Variants in LACTB observed in about 807,000 individuals in gnomAD.
LACTB encodes serine beta-lactamase-like protein LACTB, mitochondrial.
In LACTB, 35 loss-of-function variants were observed where a neutral mutation model predicts 50.2. That is an observed-to-expected ratio of 0.70 (90% CI 0.53 to 0.92). The LOEUF is 0.92. Among genes scored for constraint, LACTB ranks in the 40% least tolerant of loss-of-function variants. The probability of loss-of-function intolerance (pLI) is 0.00; values close to 1 mark genes in which losing one functional copy is unlikely to be tolerated. For missense variants in LACTB, 664 were observed against 691.8 expected, an observed-to-expected ratio of 0.96 and a Z score of 0.45; for synonymous variants, 252 against 268.2, an observed-to-expected ratio of 0.94 and a Z score of 0.59.
chr15:63,141,201 CAT>C (rs2037224981), intron 5 of LACTB, 77 bp from the exon 6 acceptor site: 2 of 1,484,356 alleles, frequency 1.3e-6, no homozygotes, highest in South Asian at 1.4e-5. Flanking sequence ...CAATCTCTCT[CAT>C]GTATACATTT....
At chr15:63,129,860 T>G (rs530784811) in intron 5 of LACTB, 1 of 511,014 alleles carries the variant, frequency 2.0e-6, no homozygotes, top group Admixed American at 4.6e-5. Context: ...ATAGCAATAA[T>G]ATTAATAATT....
At chr15:63,136,467 A>C (rs1052367664) in intron 5 of LACTB, among the ~76,000 whole-genome samples, 18 of 152,038 alleles carry the variant, frequency 1.2e-4, no homozygotes, top group African/African-American at 4.3e-4. Flanking sequence ...CGATGGTTCT[A>C]AAGGGTAGTT....
Position 63,133,210 on chromosome 15 carries a change from T to C in LACTB, c.1118+3560T>C, listed in dbSNP as rs527420548. On this transcript the variant is annotated intron_variant, in intron 5 of 5. Coordinates refer to ENST00000261893, the MANE Select transcript of LACTB (RefSeq NM_032857.5). ...ATATTTGATTCATTTACCACTATAA[T>C]AGGAAAGGGTTTAGTCAGCTTTTTA... 9.8e-5 allele frequency among the ~76,000 whole-genome samples: 15 copies of C among 152,348 alleles called. No homozygotes were observed. The East Asian group carries it at 2.9e-3, about 29-fold the overall frequency.
At chr15:63,140,988 T>C (rs569806818) in intron 5 of LACTB, 4 of 983,716 alleles carry the variant, frequency 4.1e-6, no homozygotes, top group Non-Finnish European at 4.8e-6. Context: ...TATTAACCAA[T>C]ACATTTTTGC....
At position 63,141,544 on chromosome 15, in the gene LACTB, A is replaced by G; in HGVS notation, c.1383A>G (p.Ala461=). ...EMSWDKEGKY[A]MAWGVVERKQ... is the part of the protein sequence containing the mutation. ...CTTGGGATAAAGAGGGTAAATATGC[A>G]ATGGCGTGGGGTGTTGTGGAAAGGA... The change falls in exon 6 of 6, where the codon GCA becomes GCG. Residue 461 remains alanine (A), a synonymous_variant. Transcript: ENST00000261893. 6.2e-7 allele frequency: 1 copy of G among 1,614,234 alleles called. No individual in the cohort carries two copies. Among genetic ancestry groups the G allele is most frequent in the Non-Finnish European group, 8.5e-7 (1 of 1,180,028 alleles).
chr15:63,123,357 ATTAAG>A (rs2037003381), intron 2 of LACTB, among the ~76,000 whole-genome samples: 1 of 152,234 alleles, frequency 6.6e-6, no homozygotes, highest in African/African-American at 2.4e-5. Flanking sequence ...TTCTTTTTTA[ATTAAG>A]TTAACAATTT....
chr15:63,139,167 G>GGCAAA, intron 5 of LACTB, among the ~76,000 whole-genome samples: 1 of 136,644 alleles, frequency 7.3e-6, no homozygotes. Context: ...TGGCCAACAT[G>GGCAAA]ATGAAGCCCC....
At chr15:63,132,819 T>TCC (rs71131144) in intron 5 of LACTB, among the ~76,000 whole-genome samples, 1 of 143,390 alleles carries the variant, frequency 7.0e-6, no homozygotes, top group Non-Finnish European at 1.6e-5. Context: ...AGACCCCATT[T>TCC]AAAAAAAATT....
At position 63,129,624 on chromosome 15, in the gene LACTB, C is replaced by T. The variant is rs745599979; in HGVS notation, c.1092C>T (p.Asn364=). ...LDMLTTVQEE[N]EPVIYNRARF... is the part of the protein sequence containing the mutation. ...TGCTGACGACTGTGCAGGAAGAAAA[C>T]GAGCCAGTGATTTACAATAGAGCAA... The change falls in exon 5 of 6, where the codon AAC becomes AAT. Residue 364 remains asparagine (N), a synonymous_variant. Coordinates refer to ENST00000261893, the MANE Select transcript of LACTB (RefSeq NM_032857.5). 6.8e-6 allele frequency: 11 copies of T among 1,607,532 alleles called. No homozygotes were observed. Among genetic ancestry groups the T allele is most frequent in the Admixed American group, 3.4e-5 (2 of 59,036 alleles).
intron 2 of LACTB, chr15:63,126,116 A>G (rs907559960): frequency 3.3e-5 from 5 of 152,104 alleles, no homozygotes; most frequent in Non-Finnish European, 5.9e-5. Flanking sequence ...AATTAAATTG[A>G]TGGTTAGCTA....
At chr15:63,129,147 T>C (rs2037095794) in intron 4 of LACTB, among the ~76,000 whole-genome samples, 1 of 152,262 alleles carries the variant, frequency 6.6e-6, no homozygotes. Flanking sequence ...TTTGCTTTTC[T>C]TTTCTTTCTG....
intron 2 of LACTB, among the ~76,000 whole-genome samples, chr15:63,123,720 G>C (rs1054497894): frequency 1.1e-4 from 16 of 151,850 alleles, no homozygotes; most frequent in African/African-American, 3.9e-4. Flanking sequence ...CCTGGCAGCC[G>C]AGGCAGAGAG....
rs34509023 is a variant in LACTB, at chr15:63,130,515, GA to G, written c.1118+884del. On this transcript the variant is annotated intron_variant, in intron 5 of 5. Transcript: ENST00000261893. ...AGAGTGAGACTCCATGTCAAAAAAG[GA>G]AAAAAAAAAAAAAAAAAAGGACATT... is the stretch of plus-strand genomic sequence containing the variant. The G allele has an allele frequency of 4.1e-3, 377 of 90,852 alleles. 1 individual carries two copies. The highest frequency in any genetic ancestry group is 0.012 in the African/African-American group (322 of 26,716). The allele number at this position is 90,852 out of a possible 1,614,324, so 5.6% of individuals were successfully genotyped here.
chr15:63,125,995 CTTAG>C (rs1050259093), intron 2 of LACTB: 1 of 151,616 alleles, frequency 6.6e-6, no homozygotes, highest in Non-Finnish European at 1.5e-5. Context: ...CTTTCTCTTT[CTTAG>C]TTAGATTTAC....
chr15:63,122,298 G>A (rs1472201490), intron 1 of LACTB, 70 bp downstream of exon 1: 1 of 1,315,270 alleles, frequency 7.6e-7, no homozygotes, highest in African/African-American at 1.5e-5. Context: ...GTCGGGGGCT[G>A]AGTGGACCCC....
intron 5 of LACTB, among the ~76,000 whole-genome samples, chr15:63,134,828 G>A (rs1217099443): frequency 2.6e-5 from 4 of 151,794 alleles, no homozygotes; most frequent in Non-Finnish European, 5.9e-5. Context: ...GTGTGTGTGT[G>A]TGTGTGTGTG....
At chr15:63,134,772 C>A (rs1340341495) in intron 5 of LACTB, among the ~76,000 whole-genome samples, 1 of 151,566 alleles carries the variant, frequency 6.6e-6, no homozygotes, top group African/African-American at 2.4e-5. Flanking sequence ...CTGTGTTGCT[C>A]CATAAAACTT....
rs1281724293 is a variant in LACTB, at chr15:63,129,489, T to A, written c.957T>A (p.Ser319Arg). 3 of 1,580,734 alleles carry A rather than the reference T, an allele frequency of 1.9e-6. No homozygotes were observed. Among genetic ancestry groups the A allele is most frequent in the Non-Finnish European group, 2.6e-6 (3 of 1,166,262 alleles). Residue 319 changes from serine to arginine, a missense_variant, in exon 5 of 6, where the codon AGT becomes AGA. Ser to Arg is a moderately radical substitution (Grantham distance 110, BLOSUM62 -1). Coordinates refer to ENST00000261893, the MANE Select transcript of LACTB (RefSeq NM_032857.5). ...TCCTCGCAATGATGTCTCAAGGTAGTCAGTTTTTGTATTCAACTTTTGGCT... is the reference window on the plus strand; with the variant it reads ...TCCTCGCAATGATGTCTCAAGGTAGACAGTTTTTGTATTCAACTTTTGGCT... Reference protein sequence around the residue: ...KNDPLFFKPGSQFLYSTFGYT... With the variant: ...KNDPLFFKPGRQFLYSTFGYT...
At chr15:63,135,108 A>G (rs895226042) in intron 5 of LACTB, among the ~76,000 whole-genome samples, 9 of 152,210 alleles carry the variant, frequency 5.9e-5, no homozygotes, top group Non-Finnish European at 1.3e-4. Flanking sequence ...GCATATTTCC[A>G]TTAGTACATG....
Sources: gnomAD v4.1 joint callset for allele counts (sites outside exome capture counted in the v4.1 genomes callset) on GRCh38, gnomAD v4.1.1 for gene constraint, MANE v1.5 for transcripts, NCBI Gene and HGNC (gene_info 2026-07-23, HGNC 2026-07-21) for gene names.